The following TET3 variants were observed in gnomAD, a reference collection of about 807,000 sequenced individuals.
TET3 encodes the protein methylcytosine dioxygenase TET3.
TET3 carries 19 observed loss-of-function variants against 141.4 expected under a neutral mutation model. The observed-to-expected ratio is 0.13, with a 90% CI of 0.09 to 0.20. The LOEUF (loss-of-function observed/expected upper bound fraction) is 0.20, where lower values mean the gene tolerates loss of function less well. Ranked by LOEUF, TET3 falls within the 10% of genes least tolerant of loss-of-function variation. The pLI, the probability that TET3 is intolerant of heterozygous loss-of-function variation, is 1.00. For synonymous variants in TET3, 1,043 were observed against 980.9 expected (o/e 1.06, Z -1.18); for missense variants, 1,874 against 2,356.9 (o/e 0.80, Z 4.24).
the TET3 span, among the ~76,000 whole-genome samples, chr2:74,115,511 T>C: frequency 6.6e-6 from 1 of 152,240 alleles, no homozygotes; most frequent in South Asian, 2.1e-4. Context: ...AAGCCCAGAC[T>C]TCACCACTGT....
intron 3 of TET3, among the ~76,000 whole-genome samples, chr2:74,044,256 T>TA (rs1344825213): frequency 6.6e-6 from 1 of 152,224 alleles, no homozygotes; most frequent in East Asian, 1.9e-4. Context: ...ATTTCTTATT[T>TA]AGCTTTTTAT....
At chr2:74,008,429 C>T (rs10165243) in intron 3 of TET3, among the ~76,000 whole-genome samples, 36,658 of 152,116 alleles carry the variant, frequency 0.24, 6,559 homozygotes, top group African/African-American at 0.5. Context: ...GCCAAGTCTC[C>T]TGTAGATGCT....
At chr2:74,073,345 T>C (rs1689315891) in intron 4 of TET3, among the ~76,000 whole-genome samples, 1 of 152,210 alleles carries the variant, frequency 6.6e-6, no homozygotes, top group Non-Finnish European at 1.5e-5. Context: ...GCCAATTTGG[T>C]CCATATGTGA....
chr2:73,993,183 GTAGT>G (rs1331690166), intron 2 of TET3: 1 of 152,202 alleles, frequency 6.6e-6, no homozygotes, highest in African/African-American at 2.4e-5. Context: ...TACCTAATGT[GTAGT>G]TAGCATGGAA....
intron 3 of TET3, among the ~76,000 whole-genome samples, chr2:74,010,054 T>C (rs1452889515): frequency 1.3e-5 from 2 of 152,250 alleles, no homozygotes; most frequent in African/African-American, 4.8e-5. Flanking sequence ...CCACTGTTAT[T>C]TCTCCTTGGT....
chr2:73,986,124 A>G lies in TET3; in HGVS notation c.-280A>G. On this transcript the variant is annotated 5_prime_UTR_variant, in exon 2 of 12. Coordinates refer to ENST00000409262, the MANE Select transcript of TET3 (RefSeq NM_001287491.2). ...TGAGGGTGAAGAACCCACCGGGCCA[A>G]GATGATCCCTTTTCTGAGGGCTGCT... The G allele has an allele frequency of 3.3e-6, 1 of 300,076 alleles. No individual in the cohort carries two copies. 18.6% of individuals were successfully genotyped at this position (300,076 alleles called of 1,614,324 possible).
intron 3 of TET3, among the ~76,000 whole-genome samples, chr2:74,026,591 G>T (rs35592918): frequency 0.27 from 40,432 of 152,058 alleles, 5,729 homozygotes; most frequent in African/African-American, 0.33. Context: ...TTGTATAATA[G>T]ATATTAAAAA....
chr2:73,984,357 C>T (rs1683888748), upstream of TET3, among the ~76,000 whole-genome samples: 1 of 152,226 alleles, frequency 6.6e-6, no homozygotes, highest in East Asian at 1.9e-4. The surrounding 1 kb of genome is among the most constrained non-coding windows in gnomAD (Gnocchi z 5.6). Context: ...TGCCCCCGAG[C>T]AACCCCTTCT....
intron 4 of TET3, among the ~76,000 whole-genome samples, chr2:74,053,658 AG>A (rs1688067399): frequency 6.6e-6 from 1 of 152,196 alleles, no homozygotes; most frequent in South Asian, 2.1e-4. Context: ...CTTTGCCTGG[AG>A]CATGGTGAAA....
intron 5 of TET3, among the ~76,000 whole-genome samples, chr2:74,076,746 A>C (rs1049420245): frequency 6.6e-6 from 1 of 151,814 alleles, no homozygotes; most frequent in Non-Finnish European, 1.5e-5. Context: ...CTAGTTTGTG[A>C]ATGGTAGGTC....
chr2:74,088,306 T>G (rs1317522652), intron 7 of TET3, among the ~76,000 whole-genome samples: 3 of 152,138 alleles, frequency 2.0e-5, no homozygotes, highest in African/African-American at 4.8e-5. Flanking sequence ...TTAGCGAGTG[T>G]GAAGTACATG....
downstream of TET3, among the ~76,000 whole-genome samples, chr2:74,111,992 TCAA>T (rs1420685481): frequency 1.3e-5 from 2 of 152,192 alleles, no homozygotes; most frequent in Non-Finnish European, 2.9e-5. Context: ...CAGAGCATCT[TCAA>T]CAGGTATTGT....
At chr2:74,002,748 C>T (rs1684927233) in intron 2 of TET3, 5 of 537,352 alleles carry the variant, frequency 9.3e-6, no homozygotes, top group Non-Finnish European at 1.6e-5. Context: ...GCGCTCCCTC[C>T]GGCGGGGATA....
chr2:74,048,352 G>A lies in TET3; in HGVS notation c.2435G>A (p.Ser812Asn). Reference sequence around the variant, plus strand: ...AAGTACCTGGACACACCCACCAAGAGTCTGCTGGACACACCTGCCAAGAGA... The same window carrying A: ...AAGTACCTGGACACACCCACCAAGAATCTGCTGGACACACCTGCCAAGAGA... ...PLKYLDTPTK[S>N]LLDTPAKRAQ... Residue 812 changes from serine to asparagine, a missense_variant, in exon 4 of 12, where the codon AGT becomes AAT. By Grantham distance (46) the Ser-to-Asn change is conservative. Coordinates refer to ENST00000409262, the MANE Select transcript of TET3 (RefSeq NM_001287491.2). 1 of 1,613,844 alleles carries A rather than the reference G, an allele frequency of 6.2e-7. No individual in the cohort carries two copies. Among genetic ancestry groups the A allele is most frequent in the Non-Finnish European group, 8.5e-7 (1 of 1,179,830 alleles).
intron 2 of TET3, among the ~76,000 whole-genome samples, chr2:73,992,732 T>C (rs2105090823): frequency 6.6e-6 from 1 of 152,268 alleles, no homozygotes; most frequent in Admixed American, 6.5e-5. Context: ...AAACCAGAGA[T>C]GGGCTAAAAG....
chr2:74,033,282 T>C (rs1440968169), intron 3 of TET3, among the ~76,000 whole-genome samples: 7 of 152,268 alleles, frequency 4.6e-5, no homozygotes, highest in African/African-American at 7.2e-5. Flanking sequence ...TTAACATTTC[T>C]GTATGATTCC....
chr2:74,101,269 C>T lies in TET3; in HGVS notation c.4481C>T (p.Pro1494Leu), dbSNP rs577068560. The change falls in exon 12 of 12, where the codon CCC (proline) becomes CTC (leucine). Residue 1494 changes from proline (P) to leucine (L), a missense_variant. By Grantham distance (98) the Pro-to-Leu change is moderately conservative. This residue lies in a region of TET3 where 602 missense variants were observed against 590.2 expected (regional missense o/e 1.02). Transcript: ENST00000409262. The surrounding 1 kb of genome is among the most constrained non-coding windows in gnomAD (Gnocchi z 8.5). Reference protein sequence around the residue: ...HFTDGQWGLFPGEGQQAASHS... With the variant: ...HFTDGQWGLFLGEGQQAASHS... ...ACAGATGGCCAGTGGGGGCTGTTCC[C>T]CGGTGAGGGGCAGCAGGCAGCTTCC... is the stretch of plus-strand genomic sequence containing the variant. The T allele has an allele frequency of 1.2e-6, 2 of 1,612,620 alleles. No homozygotes were observed. The highest frequency in any genetic ancestry group is 1.3e-5 in the African/African-American group (1 of 75,050).
chr2:74,001,149 G>C (rs1479376614), intron 2 of TET3, among the ~76,000 whole-genome samples: 1 of 152,138 alleles, frequency 6.6e-6, no homozygotes, highest in East Asian at 1.9e-4. Context: ...TGTGTTCCCA[G>C]GGGGAGGCAG....
At chr2:74,124,787 C>A in the TET3 span, among the ~76,000 whole-genome samples, 1 of 150,874 alleles carries the variant, frequency 6.6e-6, no homozygotes, top group South Asian at 2.1e-4. Context: ...ACAAACACTG[C>A]GGAAGGCCGC....
Sources: allele counts gnomAD v4.1 joint callset (sites outside exome capture counted in the v4.1 genomes callset), GRCh38; gene constraint gnomAD v4.1.1; regional missense constraint gnomAD v4.1.1; non-coding constraint Gnocchi (gnomAD v3.1); transcripts MANE v1.5; gene names NCBI Gene and HGNC (gene_info 2026-07-23, HGNC 2026-07-21).